The following HCRTR2 variants were observed in gnomAD, a reference collection of about 807,000 sequenced individuals.
The protein encoded by HCRTR2 is orexin receptor type 2.
Under a neutral mutation model 49.0 loss-of-function variants are expected in HCRTR2, and 22 were observed. That is an observed-to-expected ratio of 0.45 (90% CI 0.32 to 0.64). The LOEUF (loss-of-function observed/expected upper bound fraction) is 0.64. Among genes scored for constraint, HCRTR2 ranks in the 30% least tolerant of loss-of-function variants. HCRTR2 has a pLI of 0.04. For missense variants in HCRTR2, 491 were observed against 559.4 expected (o/e 0.88, Z 1.23); for synonymous variants, 236 against 205.3 (o/e 1.15, Z -1.28).
chr6:55,122,861 G>C (rs1046931221), intron 1 of HCRTR2, among the ~76,000 whole-genome samples: 1 of 149,908 alleles, frequency 6.7e-6, no homozygotes, highest in Non-Finnish European at 1.5e-5. Flanking sequence ...GCAAACTATC[G>C]CAAGGACAAA....
At chr6:55,238,009 C>T (rs914762818) in intron 1 of HCRTR2, among the ~76,000 whole-genome samples, 9 of 152,040 alleles carry the variant, frequency 5.9e-5, no homozygotes, top group African/African-American at 2.2e-4. Context: ...TCTGATGAAT[C>T]CCAAATATTT....
At chr6:55,252,511 C>T (rs1263599437) in intron 2 of HCRTR2, among the ~76,000 whole-genome samples, 2 of 152,086 alleles carry the variant, frequency 1.3e-5, no homozygotes, top group African/African-American at 2.4e-5. Flanking sequence ...CGAATCTATA[C>T]AACCATAGTT....
intron 1 of HCRTR2, among the ~76,000 whole-genome samples, chr6:55,220,512 G>A (rs142461578): frequency 3.3e-5 from 5 of 152,096 alleles, no homozygotes; most frequent in East Asian, 1.9e-4. Context: ...ATACCCTTTC[G>A]TAATAAAAAT....
At chr6:55,144,705 C>T (rs1764555910) in intron 1 of HCRTR2, among the ~76,000 whole-genome samples, 1 of 151,998 alleles carries the variant, frequency 6.6e-6, no homozygotes, top group African/African-American at 2.4e-5. Context: ...TGCCCACCCA[C>T]CCGCCAGTAC....
At chr6:55,247,918 G>A (rs1766476871) in intron 1 of HCRTR2, among the ~76,000 whole-genome samples, 1 of 152,098 alleles carries the variant, frequency 6.6e-6, no homozygotes, top group African/African-American at 2.4e-5. Flanking sequence ...CACCAAAGAA[G>A]GCAACCCATG....
At chr6:55,132,789 C>T (rs544787239) in intron 1 of HCRTR2, among the ~76,000 whole-genome samples, 4 of 142,240 alleles carry the variant, frequency 2.8e-5, no homozygotes, top group African/African-American at 7.8e-5. Context: ...TAAAGAGAAA[C>T]AAACAAACAA....
chr6:55,111,038 G>A (rs1764042083), intron 1 of HCRTR2, among the ~76,000 whole-genome samples: 1 of 152,070 alleles, frequency 6.6e-6, no homozygotes, highest in African/African-American at 2.4e-5. Context: ...TCAGACCAGA[G>A]TGGAATAAAA....
intron 1 of HCRTR2, among the ~76,000 whole-genome samples, chr6:55,226,662 A>G (rs2127298164): frequency 6.8e-6 from 1 of 146,952 alleles, no homozygotes; most frequent in African/African-American, 2.5e-5. Context: ...ATCCAAAATC[A>G]TGTATTTATG....
At chr6:55,174,357 C>A, upstream of HCRTR2, 1 of 562,546 alleles carries the variant, frequency 1.8e-6, no homozygotes, top group Non-Finnish European at 3.2e-6. Flanking sequence ...CCTAGTTCCT[C>A]AGCTGCCTAT....
intron 1 of HCRTR2, among the ~76,000 whole-genome samples, chr6:55,196,248 A>G (rs1158671482): frequency 6.6e-6 from 1 of 152,138 alleles, no homozygotes; most frequent in African/African-American, 2.4e-5. Flanking sequence ...GGAGTTATCA[A>G]TCACAGTACC....
intron 1 of HCRTR2, among the ~76,000 whole-genome samples, chr6:55,146,566 A>G (rs1764582843): frequency 6.9e-6 from 1 of 145,332 alleles, no homozygotes; most frequent in Non-Finnish European, 1.5e-5. Context: ...ATCAGATTAA[A>G]GCAAAGGTTA....
At chr6:55,123,454 C>A (rs1013817092) in intron 1 of HCRTR2, among the ~76,000 whole-genome samples, 1 of 152,056 alleles carries the variant, frequency 6.6e-6, no homozygotes, top group Non-Finnish European at 1.5e-5. Flanking sequence ...GTTGAACCAG[C>A]CTTGCATTCC....
chr6:55,255,610 G>A (rs1766638834), intron 3 of HCRTR2, among the ~76,000 whole-genome samples: 1 of 151,956 alleles, frequency 6.6e-6, no homozygotes, highest in Admixed American at 6.6e-5. Context: ...CATATCTTTT[G>A]GATAGGAAAT....
intron 1 of HCRTR2, among the ~76,000 whole-genome samples, chr6:55,227,900 T>C (rs1766040465): frequency 6.6e-6 from 1 of 152,172 alleles, no homozygotes. Flanking sequence ...AGATAGGGTA[T>C]AACAGTGATT....
At chr6:55,228,367 T>G (rs946809490) in intron 1 of HCRTR2, among the ~76,000 whole-genome samples, 1 of 152,186 alleles carries the variant, frequency 6.6e-6, no homozygotes, top group African/African-American at 2.4e-5. Context: ...TATGTAATAT[T>G]GTAGGATTTG....
At chr6:55,119,818 T>C (rs1561977166) in intron 1 of HCRTR2, among the ~76,000 whole-genome samples, 1 of 152,142 alleles carries the variant, frequency 6.6e-6, no homozygotes, top group African/African-American at 2.4e-5. Flanking sequence ...CCATTGCTTT[T>C]GGTGTTGTAG....
chr6:55,205,972 A>G (rs531444922), intron 1 of HCRTR2, among the ~76,000 whole-genome samples: 1 of 152,226 alleles, frequency 6.6e-6, no homozygotes, highest in South Asian at 2.1e-4. Context: ...TCTACTATGT[A>G]CCCACAAAAA....
At chr6:55,240,382 A>C (rs1766304081) in intron 1 of HCRTR2, among the ~76,000 whole-genome samples, 1 of 148,486 alleles carries the variant, frequency 6.7e-6, no homozygotes, top group South Asian at 2.1e-4. Context: ...AAAAAAAAAA[A>C]AAGAGTTTTA....
chr6:55,128,765 G>T (rs532700280), intron 1 of HCRTR2, among the ~76,000 whole-genome samples: 1 of 152,234 alleles, frequency 6.6e-6, no homozygotes, highest in African/African-American at 2.4e-5. Flanking sequence ...GGTGTAATCA[G>T]TAGGAAGAAT....
Sources: allele counts gnomAD v4.1 joint callset (sites outside exome capture counted in the v4.1 genomes callset), GRCh38; gene constraint gnomAD v4.1.1; transcripts MANE v1.5; gene names NCBI Gene and HGNC (gene_info 2026-07-23, HGNC 2026-07-21).